Variants in FTCDNL1 observed in about 807,000 individuals in gnomAD.
FTCDNL1 encodes the protein formiminotransferase cyclodeaminase N-terminal like.
In FTCDNL1, 11 loss-of-function variants were observed where a neutral mutation model predicts 5.9. That is an observed-to-expected ratio of 1.87 (90% CI 1.18 to 3.10). The LOEUF (loss-of-function observed/expected upper bound fraction) is 3.10, where lower values mean the gene tolerates loss of function less well. FTCDNL1 is among the 30% of genes most tolerant of loss of function. FTCDNL1 has a pLI of 0.00. For missense variants in FTCDNL1, 115 were observed against 65.5 expected, an observed-to-expected ratio of 1.76 and a Z score of -2.61; for synonymous variants, 58 against 24.8, an observed-to-expected ratio of 2.34 and a Z score of -3.99.
chr2:199,743,457 T>A, the FTCDNL1 span, among the ~76,000 whole-genome samples: 1 of 152,270 alleles, frequency 6.6e-6, no homozygotes, highest in Non-Finnish European at 1.5e-5. Flanking sequence ...CAGAATGTTA[T>A]GCTTTTGTCT....
Position 199,812,426 on chromosome 2 carries a change from G to T in FTCDNL1, c.*279C>A. 2.8e-6 allele frequency: 1 copy of T among 362,426 alleles called. No homozygotes were observed. The highest frequency in any genetic ancestry group is 4.9e-6 in the Non-Finnish European group (1 of 204,884). The allele number at this position is 362,426 out of a possible 1,614,324, so 22.5% of individuals were successfully genotyped here. ...GCAGTCCCATTGACCTTATTTAAATGCTGAATTTGATTTTTTATGTTAATT... is the reference window on the plus strand; with the variant it reads ...GCAGTCCCATTGACCTTATTTAAATTCTGAATTTGATTTTTTATGTTAATT... On this transcript the variant is annotated 3_prime_UTR_variant, in exon 5 of 5. Transcript: ENST00000420128.
chr2:199,665,015 G>C, the FTCDNL1 span, among the ~76,000 whole-genome samples: 1 of 152,180 alleles, frequency 6.6e-6, no homozygotes, highest in Non-Finnish European at 1.5e-5. Flanking sequence ...TTAAGTCCAA[G>C]TACACTCTCA....
intron 4 of FTCDNL1, among the ~76,000 whole-genome samples, chr2:199,816,778 C>G (rs115097558): frequency 0.019 from 2,865 of 152,264 alleles, 51 homozygotes; most frequent in Non-Finnish European, 0.031. Flanking sequence ...CGGCCCCATT[C>G]TAGAACTCTT....
chr2:199,681,248 G>T, the FTCDNL1 span, among the ~76,000 whole-genome samples: 1 of 152,122 alleles, frequency 6.6e-6, no homozygotes, highest in African/African-American at 2.4e-5. Context: ...GAGGTCAGGA[G>T]TTCGAGACCA....
chr2:199,690,351 C>T, the FTCDNL1 span, among the ~76,000 whole-genome samples: 1 of 152,222 alleles, frequency 6.6e-6, no homozygotes, highest in African/African-American at 2.4e-5. Context: ...CTGAACATGA[C>T]ACCTGAGAGT....
At chr2:199,708,674 A>G in the FTCDNL1 span, among the ~76,000 whole-genome samples, 1 of 152,082 alleles carries the variant, frequency 6.6e-6, no homozygotes, top group Admixed American at 6.6e-5. Context: ...TGGTATCTCA[A>G]TTACTACATT....
chr2:199,712,463 T>C, the FTCDNL1 span, among the ~76,000 whole-genome samples: 2 of 152,200 alleles, frequency 1.3e-5, no homozygotes, highest in Non-Finnish European at 2.9e-5. Context: ...TACTGTTCAA[T>C]TCTCCAGCTT....
chr2:199,785,951 T>C (rs965977732), intron 3 of FTCDNL1, among the ~76,000 whole-genome samples: 16 of 152,212 alleles, frequency 1.1e-4, no homozygotes, highest in African/African-American at 3.6e-4. Flanking sequence ...TTAGTTAGAT[T>C]CTCATAGGAG....
At chr2:199,667,836 C>T in the FTCDNL1 span, among the ~76,000 whole-genome samples, 2 of 151,992 alleles carry the variant, frequency 1.3e-5, no homozygotes, top group Non-Finnish European at 2.9e-5. Flanking sequence ...AGGCATAAGC[C>T]TCATAGTAAG....
At chr2:199,723,192 T>C in the FTCDNL1 span, among the ~76,000 whole-genome samples, 1 of 151,970 alleles carries the variant, frequency 6.6e-6, no homozygotes. Context: ...CTCCCACTTA[T>C]GAGTGAGAAC....
At chr2:199,717,083 GA>G in the FTCDNL1 span, among the ~76,000 whole-genome samples, 711 of 152,154 alleles carry the variant, frequency 4.7e-3, 6 homozygotes, top group African/African-American at 0.016. Context: ...CAAAAAGGGG[GA>G]AAAAAATTCT....
the FTCDNL1 span, among the ~76,000 whole-genome samples, chr2:199,707,719 A>G: frequency 6.6e-6 from 1 of 152,116 alleles, no homozygotes; most frequent in African/African-American, 2.4e-5. Flanking sequence ...AAATAAGTAT[A>G]GAATTCTAAG....
chr2:199,795,165 A>T (rs1466918850), intron 3 of FTCDNL1, among the ~76,000 whole-genome samples: 1 of 152,232 alleles, frequency 6.6e-6, no homozygotes, highest in Non-Finnish European at 1.5e-5. Flanking sequence ...GCACTCAATA[A>T]GTGGTAGCTG....
At chr2:199,741,041 G>C in the FTCDNL1 span, among the ~76,000 whole-genome samples, 1 of 152,098 alleles carries the variant, frequency 6.6e-6, no homozygotes, top group African/African-American at 2.4e-5. Context: ...AACTCCCTGA[G>C]GCAGGAATTA....
the FTCDNL1 span, among the ~76,000 whole-genome samples, chr2:199,738,017 A>T: frequency 6.6e-6 from 1 of 152,196 alleles, no homozygotes; most frequent in East Asian, 1.9e-4. Flanking sequence ...CCTCTCCATT[A>T]ACTGCTTCAC....
intron 3 of FTCDNL1, among the ~76,000 whole-genome samples, chr2:199,843,807 C>T (rs1273310093): frequency 6.6e-6 from 1 of 152,134 alleles, no homozygotes; most frequent in Non-Finnish European, 1.5e-5. Flanking sequence ...AAAGGTCTTT[C>T]TTTTCTCCCA....
At chr2:199,666,995 A>G in the FTCDNL1 span, among the ~76,000 whole-genome samples, 1 of 151,914 alleles carries the variant, frequency 6.6e-6, no homozygotes. Context: ...TTTTGTCTAT[A>G]CTATGATTCG....
At chr2:199,793,708 AT>A (rs1203812439) in intron 3 of FTCDNL1, among the ~76,000 whole-genome samples, 1 of 152,204 alleles carries the variant, frequency 6.6e-6, no homozygotes, top group African/African-American at 2.4e-5. Context: ...TCGGATTGAT[AT>A]TCCCCCTTAA....
intron 3 of FTCDNL1, chr2:199,785,540 C>G (rs1228117202): frequency 1.3e-5 from 2 of 152,124 alleles, no homozygotes; most frequent in Non-Finnish European, 2.9e-5. Flanking sequence ...CCAGCCAACT[C>G]TTCCAAATTC....
Sources: allele counts gnomAD v4.1 joint callset (sites outside exome capture counted in the v4.1 genomes callset), GRCh38; gene constraint gnomAD v4.1.1; transcripts MANE v1.5; gene names NCBI Gene and HGNC (gene_info 2026-07-23, HGNC 2026-07-21).